Variants in SIK3 observed in about 807,000 individuals in gnomAD.
SIK3 encodes serine/threonine-protein kinase SIK3.
In SIK3, 28 loss-of-function variants were observed where a neutral mutation model predicts 144.2. That is an observed-to-expected ratio of 0.19 (90% CI 0.14 to 0.27). SIK3 has a LOEUF of 0.27. Ranked by LOEUF, SIK3 falls within the 10% of genes least tolerant of loss-of-function variation. The probability of loss-of-function intolerance (pLI) is 1.00; values close to 1 mark genes in which losing one functional copy is unlikely to be tolerated. For synonymous variants in SIK3, 686 were observed against 676.3 expected, an observed-to-expected ratio of 1.01 and a Z score of -0.22; for missense variants, 1,319 against 1,776.0, an observed-to-expected ratio of 0.74 and a Z score of 4.62.
At chr11:117,042,854 C>A (rs80143284) in intron 1 of SIK3, among the ~76,000 whole-genome samples, 12,202 of 152,212 alleles carry the variant, frequency 0.08, 625 homozygotes, top group African/African-American at 0.13. Flanking sequence ...AAGTTGTTTA[C>A]TTAGTAGCCG....
In SIK3 at chr11:117,003,853, A is replaced by G. The variant is rs151334459; in HGVS notation, c.274-46789T>C. Reference sequence around the variant, plus strand: ...CAACCTATTTATTGACAGACTACAGATGAGGAGTATAGATTGGTCCCCATT... The same window carrying G: ...CAACCTATTTATTGACAGACTACAGGTGAGGAGTATAGATTGGTCCCCATT... On this transcript the variant is annotated intron_variant, in intron 1 of 24. Coordinates refer to ENST00000445177, the MANE Select transcript of SIK3 (RefSeq NM_001366686.3). 2.9e-3 allele frequency among the ~76,000 whole-genome samples: 439 copies of G among 152,290 alleles called. 6 individuals carry two copies. The highest frequency in any genetic ancestry group is 9.6e-3 in the African/African-American group (400 of 41,548).
chr11:117,082,368 T>C (rs1390620909), intron 1 of SIK3, among the ~76,000 whole-genome samples: 1 of 124,032 alleles, frequency 8.1e-6, no homozygotes, highest in East Asian at 2.1e-4. Context: ...CGCCAATAAG[T>C]AGAAACAATG....
rs1369302127 is a variant in SIK3, at chr11:117,051,861, AGGCCG to A, written c.273+46277_273+46281del. On this transcript the variant is annotated intron_variant, in intron 1 of 24. Transcript: ENST00000445177. ...GTTTATTACAGAAATCCATCTATCC[AGGCCG>A]GGCGTGGTGGCTCATGCCTGTAATC... Among the ~76,000 whole-genome samples the A allele has an allele frequency of 1.3e-3, 199 of 151,638 alleles. 1 individual carries two copies. The highest frequency in any genetic ancestry group is 4.3e-3 in the African/African-American group (177 of 41,420).
chr11:116,965,482 GTTTA>G (rs1239329106), intron 1 of SIK3, among the ~76,000 whole-genome samples: 1 of 151,624 alleles, frequency 6.6e-6, no homozygotes, highest in African/African-American at 2.4e-5. Context: ...ATTTTCAGGT[GTTTA>G]TTTCAGATTA....
chr11:117,018,856 C>T (rs1391354327), intron 1 of SIK3, among the ~76,000 whole-genome samples: 1 of 150,516 alleles, frequency 6.6e-6, no homozygotes, highest in Admixed American at 6.6e-5. Flanking sequence ...GAATTACAGG[C>T]GCCTGCCACC....
intron 6 of SIK3, among the ~76,000 whole-genome samples, chr11:116,894,156 G>T (rs1303556838): frequency 6.6e-6 from 1 of 151,988 alleles, no homozygotes; most frequent in Admixed American, 6.5e-5. Context: ...AGGACAGCAG[G>T]CCCTCTGGCT....
At chr11:116,875,503 T>C in intron 9 of SIK3, 52 bp from the exon 10 acceptor site, 1 of 1,563,356 alleles carries the variant, frequency 6.4e-7, no homozygotes, top group Non-Finnish European at 8.8e-7. Flanking sequence ...TAGAGAGAAA[T>C]AATGAGTCTT....
intron 6 of SIK3, among the ~76,000 whole-genome samples, chr11:116,888,709 T>G (rs1211112408): frequency 6.6e-6 from 1 of 152,220 alleles, no homozygotes; most frequent in Non-Finnish European, 1.5e-5. Context: ...GTACTAATCA[T>G]ACAAAAACTT....
chr11:116,968,066 T>C (rs1294043721), intron 1 of SIK3, among the ~76,000 whole-genome samples: 1 of 152,252 alleles, frequency 6.6e-6, no homozygotes, highest in Admixed American at 6.5e-5. Context: ...ATGTGATGAA[T>C]AGTGTAATTT....
chr11:117,032,492 T>C (rs1952304687), intron 1 of SIK3, among the ~76,000 whole-genome samples: 1 of 151,332 alleles, frequency 6.6e-6, no homozygotes, highest in African/African-American at 2.4e-5. Context: ...GATTTTTGTT[T>C]TTTTGTTTTT....
intron 3 of SIK3, chr11:116,950,354 T>G (rs1279396954): frequency 6.3e-6 from 2 of 318,896 alleles, no homozygotes; most frequent in South Asian, 4.7e-5. Flanking sequence ...ACTTCTGCAC[T>G]AGGCACCAAC....
rs540825101 is a variant in SIK3, at chr11:116,849,527, C to A, written c.3656-244G>T. On this transcript the variant is annotated intron_variant, in intron 21 of 24. Transcript: ENST00000445177. This position sits in a 1 kb window ranked among gnomAD's most constrained non-coding sequence, Gnocchi z 4.2. ...TCCACGTAACAGGGCATGGCTGGAC[C>A]CCACCGAACCTTCTCTTCTTTCATT... Among the ~76,000 whole-genome samples the A allele has an allele frequency of 1.2e-3, 177 of 152,070 alleles. 1 individual carries two copies. The highest frequency in any genetic ancestry group is 1.0e-3 in the Non-Finnish European group (68 of 68,006).
intron 6 of SIK3, among the ~76,000 whole-genome samples, chr11:116,877,766 C>T (rs12279464): frequency 0.21 from 10,785 of 52,316 alleles, 443 homozygotes; most frequent in African/African-American, 0.29. Flanking sequence ...TTCAAAACCA[C>T]CCTCTAAGTT....
At chr11:117,083,293 T>C (rs1212808354) in intron 1 of SIK3, among the ~76,000 whole-genome samples, 1 of 151,938 alleles carries the variant, frequency 6.6e-6, no homozygotes, top group African/African-American at 2.4e-5. Context: ...GGCCAATGAG[T>C]AACATGCTTC....
intron 3 of SIK3, among the ~76,000 whole-genome samples, chr11:116,932,243 C>T (rs983140922): frequency 1.1e-4 from 16 of 152,206 alleles, no homozygotes; most frequent in Non-Finnish European, 2.2e-4. Context: ...CTCAAAAGAG[C>T]AGCCAAGGTA....
chr11:116,930,968 G>A (rs1341090387), intron 3 of SIK3, among the ~76,000 whole-genome samples: 3 of 151,818 alleles, frequency 2.0e-5, no homozygotes, highest in Non-Finnish European at 4.4e-5. Flanking sequence ...GGTGACTCTC[G>A]GTTAAAAGGA....
chr11:117,052,560 C>T (rs1446754180), intron 1 of SIK3, among the ~76,000 whole-genome samples: 1 of 152,194 alleles, frequency 6.6e-6, no homozygotes, highest in Non-Finnish European at 1.5e-5. Flanking sequence ...TTTCAATCTT[C>T]AGCAGGTTTA....
intron 6 of SIK3, chr11:116,893,905 C>G (rs552113686): frequency 3.0e-5 from 5 of 166,652 alleles, no homozygotes; most frequent in Admixed American, 6.5e-5. Flanking sequence ...TTTGTTGCAA[C>G]CACATGATTA....
chr11:116,986,384 G>A lies in SIK3; in HGVS notation c.274-29320C>T, dbSNP rs1022813115. Among the ~76,000 whole-genome samples the A allele has an allele frequency of 9.9e-5, 15 of 152,178 alleles. 1 individual carries two copies. In the South Asian group the frequency reaches 2.9e-3, roughly 29 times the overall value. The stretch of plus-strand genomic sequence containing the variant: ...TAACTAGTCATTATTAGCTGTTCTT[G>A]TTGTTGTTATTATTACCACTAATAC... On this transcript the variant is annotated intron_variant, in intron 1 of 24. Transcript: ENST00000445177.
Sources: gnomAD v4.1 joint callset for allele counts (sites outside exome capture counted in the v4.1 genomes callset) on GRCh38, gnomAD v4.1.1 for gene constraint, Gnocchi (gnomAD v3.1) non-coding constraint, MANE v1.5 for transcripts, NCBI Gene and HGNC (gene_info 2026-07-23, HGNC 2026-07-21) for gene names.